The following CNTN5 variants were observed in gnomAD, a reference collection of about 807,000 sequenced individuals.
CNTN5 encodes the protein contactin-5.
Under a neutral mutation model 129.1 loss-of-function variants are expected in CNTN5, and 77 were observed. That is an observed-to-expected ratio of 0.60 (90% CI 0.50 to 0.72). The LOEUF is 0.72. Among genes scored for constraint, CNTN5 ranks in the 30% least tolerant of loss-of-function variants. The pLI is 0.00. For missense variants in CNTN5, 1,478 were observed against 1,328.8 expected (o/e 1.11, Z -1.75); for synonymous variants, 509 against 465.6 (o/e 1.09, Z -1.20).
At chr11:99,765,686 T>G (rs1241146626) in intron 3 of CNTN5, among the ~76,000 whole-genome samples, 1 of 151,414 alleles carries the variant, frequency 6.6e-6, no homozygotes, top group Non-Finnish European at 1.5e-5. Flanking sequence ...TGCTGGAATT[T>G]TTAATGTCAA....
At chr11:99,527,561 C>A (rs1184917493) in intron 2 of CNTN5, among the ~76,000 whole-genome samples, 2 of 152,106 alleles carry the variant, frequency 1.3e-5, no homozygotes, top group Non-Finnish European at 2.9e-5. Context: ...AGAGCAACTT[C>A]TCCCTTTTTC....
chr11:99,666,094 A>G (rs977382801), intron 3 of CNTN5, among the ~76,000 whole-genome samples: 1 of 151,810 alleles, frequency 6.6e-6, no homozygotes, highest in Non-Finnish European at 1.5e-5. Context: ...CAGCCTCCCC[A>G]TTAGCTAGAA....
intron 15 of CNTN5, among the ~76,000 whole-genome samples, chr11:100,197,241 T>C (rs1453496017): frequency 6.6e-6 from 1 of 151,950 alleles, no homozygotes; most frequent in Non-Finnish European, 1.5e-5. Context: ...AGTCACTGTT[T>C]GTTGAATAAG....
At chr11:100,038,486 G>T (rs991892001) in intron 9 of CNTN5, among the ~76,000 whole-genome samples, 32 of 152,150 alleles carry the variant, frequency 2.1e-4, no homozygotes, top group African/African-American at 7.7e-4. Flanking sequence ...TGTTAGGTCT[G>T]CTTGGTGCAG....
At chr11:99,846,593 A>G (rs569683403) in intron 6 of CNTN5, among the ~76,000 whole-genome samples, 72 of 152,046 alleles carry the variant, frequency 4.7e-4, no homozygotes, top group Non-Finnish European at 8.7e-4. Flanking sequence ...ATTAATAATT[A>G]AAGTGTAATT....
chr11:99,990,884 G>C (rs568819655), intron 8 of CNTN5, among the ~76,000 whole-genome samples: 16 of 152,084 alleles, frequency 1.1e-4, no homozygotes, highest in Non-Finnish European at 2.2e-4. Context: ...AAGAACATCA[G>C]CTCTCTCATT....
intron 13 of CNTN5, among the ~76,000 whole-genome samples, chr11:100,113,190 G>C (rs1257186375): frequency 6.6e-6 from 1 of 151,422 alleles, no homozygotes; most frequent in African/African-American, 2.4e-5. Context: ...TTGAACATTT[G>C]GTATGTAGCT....
intron 2 of CNTN5, among the ~76,000 whole-genome samples, chr11:99,497,180 A>G (rs1000547317): frequency 7.2e-5 from 11 of 152,252 alleles, no homozygotes; most frequent in African/African-American, 2.7e-4. Context: ...AGAGAAAAAT[A>G]TAACAATCCC....
chr11:99,764,794 T>C (rs1305287668), intron 3 of CNTN5, among the ~76,000 whole-genome samples: 1 of 152,204 alleles, frequency 6.6e-6, no homozygotes, highest in African/African-American at 2.4e-5. Flanking sequence ...TTTACACCTA[T>C]AGATCATCTC....
intron 2 of CNTN5, among the ~76,000 whole-genome samples, chr11:99,389,515 T>C (rs568013484): frequency 2.0e-5 from 3 of 152,324 alleles, no homozygotes; most frequent in African/African-American, 7.2e-5. Flanking sequence ...TAATGCGTAG[T>C]GCTGATTAAC....
intron 2 of CNTN5, among the ~76,000 whole-genome samples, chr11:99,354,332 G>A (rs2136089839): frequency 6.6e-6 from 1 of 152,244 alleles, no homozygotes; most frequent in Admixed American, 6.5e-5. Flanking sequence ...TAGAATAGGG[G>A]TTGGGCATGT....
chr11:99,647,816 G>A (rs934167345), intron 3 of CNTN5, among the ~76,000 whole-genome samples: 1 of 151,384 alleles, frequency 6.6e-6, no homozygotes, highest in East Asian at 1.9e-4. Flanking sequence ...TACTAATGGG[G>A]TTACTTATTC....
chr11:99,677,799 A>AT (rs1317051454), intron 3 of CNTN5, among the ~76,000 whole-genome samples: 2 of 152,012 alleles, frequency 1.3e-5, no homozygotes, highest in African/African-American at 4.8e-5. Context: ...TTTCGTACTG[A>AT]TTTTTATGTG....
chr11:99,849,210 A>T (rs1056211211), intron 6 of CNTN5, among the ~76,000 whole-genome samples: 8 of 151,714 alleles, frequency 5.3e-5, no homozygotes, highest in African/African-American at 1.9e-4. Flanking sequence ...TTGTGATAAG[A>T]TAAATATTAA....
intron 13 of CNTN5, among the ~76,000 whole-genome samples, chr11:100,185,684 G>A (rs1056220234): frequency 2.6e-5 from 4 of 152,156 alleles, no homozygotes; most frequent in Admixed American, 6.5e-5. Context: ...AGTAATTAAA[G>A]TTAAATGTGT....
chr11:99,852,894 T>C (rs1019723013), intron 6 of CNTN5, among the ~76,000 whole-genome samples: 1 of 152,184 alleles, frequency 6.6e-6, no homozygotes, highest in East Asian at 1.9e-4. Flanking sequence ...TTCCCAAGCA[T>C]AGGAGATTCC....
intron 13 of CNTN5, among the ~76,000 whole-genome samples, chr11:100,109,139 C>T (rs1945557363): frequency 6.6e-6 from 1 of 152,022 alleles, no homozygotes; most frequent in African/African-American, 2.4e-5. Flanking sequence ...TTAAAGATTC[C>T]CCAAATAGTC....
chr11:99,034,612 G>T (rs1186328997), intron 1 of CNTN5, among the ~76,000 whole-genome samples: 1 of 151,244 alleles, frequency 6.6e-6, no homozygotes, highest in Non-Finnish European at 1.5e-5. Context: ...GATCGGTGGT[G>T]ATAACCCCTT....
chr11:99,160,926 A>T (rs527257663), intron 1 of CNTN5, among the ~76,000 whole-genome samples: 1 of 152,198 alleles, frequency 6.6e-6, no homozygotes, highest in Non-Finnish European at 1.5e-5. Context: ...GTAATTTCCT[A>T]TAATACACAT....
Sources: allele counts gnomAD v4.1 joint callset (sites outside exome capture counted in the v4.1 genomes callset), GRCh38; gene constraint gnomAD v4.1.1; transcripts MANE v1.5; gene names NCBI Gene and HGNC (gene_info 2026-07-23, HGNC 2026-07-21).